Variants in SLC4A8 observed in about 807,000 individuals in gnomAD.
SLC4A8 encodes the protein electroneutral sodium bicarbonate exchanger 1.
Under a neutral mutation model 125.0 loss-of-function variants are expected in SLC4A8, and 40 were observed. The ratio of observed to expected loss-of-function variants is 0.32; its 90% CI spans 0.25 to 0.42. SLC4A8 has a LOEUF of 0.42. Among genes scored for constraint, SLC4A8 ranks in the 10% least tolerant of loss-of-function variants. SLC4A8 has a pLI of 1.00. For missense variants in SLC4A8, 863 were observed against 1,355.1 expected (o/e 0.64, Z 5.70); for synonymous variants, 456 against 476.0 (o/e 0.96, Z 0.55).
Position 51,458,617 on chromosome 12 carries a change from G to A in SLC4A8, c.822G>A (p.Val274=), listed in dbSNP as rs1279329237. ...CAAATCTTGAAGTAAAAAATGGAGTGAATTGTGAACATAGTCCTGTGGATT... is the reference window on the plus strand; with the variant it reads ...CAAATCTTGAAGTAAAAAATGGAGTAAATTGTGAACATAGTCCTGTGGATT... ...PTTNLEVKNG[V]NCEHSPVDLS... Residue 274 remains valine (V), a synonymous_variant, in exon 7 of 25, where the codon GTG becomes GTA. Coordinates refer to ENST00000453097, the MANE Select transcript of SLC4A8 (RefSeq NM_001039960.3). The A allele has an allele frequency of 1.2e-6, 2 of 1,613,728 alleles. No individual in the cohort carries two copies. The highest frequency in any genetic ancestry group is 8.5e-7 in the Non-Finnish European group (1 of 1,179,764).
intron 5 of SLC4A8, 52 bp from the exon 6 acceptor site, chr12:51,457,299 T>C (rs1950180093): frequency 2.6e-6 from 4 of 1,539,088 alleles, no homozygotes; most frequent in South Asian, 1.2e-5. Context: ...GTTGGCCTTC[T>C]TGGGTTCATT....
intron 23 of SLC4A8, among the ~76,000 whole-genome samples, chr12:51,504,604 A>G (rs1938083261): frequency 1.3e-5 from 2 of 152,240 alleles, no homozygotes; most frequent in Non-Finnish European, 2.9e-5. Flanking sequence ...TCCAAAGATG[A>G]AAAGGATGTG....
chr12:51,438,179 ACT>A (rs1014342322), intron 1 of SLC4A8, among the ~76,000 whole-genome samples: 6 of 151,838 alleles, frequency 4.0e-5, no homozygotes, highest in South Asian at 4.1e-4. Flanking sequence ...GCTGTTTGAA[ACT>A]CTATATTATA....
At chr12:51,498,378 G>T (rs1937665140) in intron 22 of SLC4A8, among the ~76,000 whole-genome samples, 1 of 151,954 alleles carries the variant, frequency 6.6e-6, no homozygotes, top group Admixed American at 6.6e-5. Flanking sequence ...GTTGCCTTAT[G>T]ACAAAAATTT....
intron 2 of SLC4A8, among the ~76,000 whole-genome samples, chr12:51,444,716 C>G (rs557397765): frequency 2.6e-5 from 4 of 152,288 alleles, no homozygotes; most frequent in African/African-American, 9.6e-5. Context: ...CTGAAACTTT[C>G]ATAGGACTCG....
chr12:51,452,467 A>G (rs1362574655), intron 4 of SLC4A8, among the ~76,000 whole-genome samples: 8 of 152,146 alleles, frequency 5.3e-5, no homozygotes. Flanking sequence ...GACCTGGAGC[A>G]TGGGATTGGT....
At chr12:51,481,623 T>G (rs990566047) in intron 16 of SLC4A8, among the ~76,000 whole-genome samples, 17 of 152,026 alleles carry the variant, frequency 1.1e-4, no homozygotes, top group Non-Finnish European at 2.1e-4. Context: ...TATCCTTTAC[T>G]TTAGGTAAAA....
intron 11 of SLC4A8, chr12:51,467,284 T>C (rs1329992927): frequency 6.6e-6 from 1 of 152,240 alleles, no homozygotes; most frequent in East Asian, 1.9e-4. Context: ...CTTCTTTACC[T>C]GAGCTAGGTT....
chr12:51,423,611 G>C (rs1948844426), upstream of SLC4A8, among the ~76,000 whole-genome samples: 1 of 152,220 alleles, frequency 6.6e-6, no homozygotes. Context: ...GGGGTGGAAA[G>C]TTTTAACATG....
chr12:51,449,217 C>T lies in SLC4A8; in HGVS notation c.131-1659C>T, dbSNP rs779986477. Among the ~76,000 whole-genome samples the T allele has an allele frequency of 3.9e-5, 6 of 152,182 alleles. No homozygotes were observed. The South Asian group carries it at 6.2e-4, about 16-fold the overall frequency. On this transcript the variant is annotated intron_variant, in intron 2 of 24. Transcript: ENST00000453097. ...CTTTGGGAGGCCAAGGCAGGAGAAT[C>T]GCTTGAGCTCAGGAGTTTGAAACAA... is the stretch of plus-strand genomic sequence containing the variant.
At chr12:51,482,309 T>A (rs1174070391) in intron 16 of SLC4A8, among the ~76,000 whole-genome samples, 2 of 152,136 alleles carry the variant, frequency 1.3e-5, no homozygotes, top group Non-Finnish European at 2.9e-5. Context: ...ATTTGATAAA[T>A]ATAATTATTT....
At chr12:51,445,853 AC>A (rs35716183) in intron 2 of SLC4A8, among the ~76,000 whole-genome samples, 82,244 of 151,226 alleles carry the variant, frequency 0.54, 22,443 homozygotes, top group African/African-American at 0.58. Context: ...TTCATTTCTG[AC>A]CCCCCCCAAG....
chr12:51,415,515 A>G lies in SLC4A8; in HGVS notation c.-112+24027A>G, dbSNP rs113585816. Among the ~76,000 whole-genome samples the G allele has an allele frequency of 1.2e-3, 182 of 152,136 alleles. 1 individual carries two copies. Among genetic ancestry groups the G allele is most frequent in the African/African-American group, 4.2e-3 (173 of 41,492 alleles). ...TTATCCATTTCCTCTAGGTTTTCCAATTGTGAGCTTTACTTATGTTTTGTC... is the reference window on the plus strand; with the variant it reads ...TTATCCATTTCCTCTAGGTTTTCCAGTTGTGAGCTTTACTTATGTTTTGTC... On this transcript the variant is annotated intron_variant, in intron 1 of 24. Coordinates refer to the SLC4A8 transcript ENST00000358657.
At position 51,489,754 on chromosome 12, in the gene SLC4A8, T is replaced by A. The variant is rs1951260103; in HGVS notation, c.2503T>A (p.Cys835Ser). 6.2e-7 allele frequency: 1 copy of A among 1,614,076 alleles called. No homozygotes were observed. The highest frequency in any genetic ancestry group is 8.5e-7 in the Non-Finnish European group (1 of 1,179,998). ...GATGGTGGCCATCATGCTGGGTGTCTGCTCCATCATGGGCCTGCCCTGGTT... is the reference window on the plus strand; with the variant it reads ...GATGGTGGCCATCATGCTGGGTGTCAGCTCCATCATGGGCCTGCCCTGGTT... The part of the protein sequence containing the change: ...LLMVAIMLGV[C>S]SIMGLPWFVA... The change falls in exon 19 of 25, where the codon TGC (cysteine) becomes AGC (serine). Residue 835 changes from cysteine (C) to serine (S), a missense_variant. Coordinates refer to ENST00000453097, the MANE Select transcript of SLC4A8 (RefSeq NM_001039960.3).
At chr12:51,465,664 A>C (rs921757053) in intron 11 of SLC4A8, among the ~76,000 whole-genome samples, 7 of 152,166 alleles carry the variant, frequency 4.6e-5, no homozygotes, top group African/African-American at 1.7e-4. Context: ...GCTCTGCTTG[A>C]TATGGGAGAT....
At position 51,458,621 on chromosome 12, in the gene SLC4A8, TGTGAACATAGTCCTGTG is replaced by T; in HGVS notation, c.828_844del (p.Cys276Ter). The T allele has an allele frequency of 6.2e-7, 1 of 1,613,722 alleles. No individual in the cohort carries two copies. The highest frequency in any genetic ancestry group is 8.5e-7 in the Non-Finnish European group (1 of 1,179,666). ...TCTTGAAGTAAAAAATGGAGTGAATTGTGAACATAGTCCTGTGGATTTAAGCAAGGTGAGCAGAGTGG... is the reference window on the plus strand; with the variant it reads ...TCTTGAAGTAAAAAATGGAGTGAATTGATTTAAGCAAGGTGAGCAGAGTGG... On this transcript the variant is annotated frameshift_variant, in exon 7 of 25. Coordinates refer to ENST00000453097, the MANE Select transcript of SLC4A8 (RefSeq NM_001039960.3). LOFTEE classifies it high-confidence loss of function.
At chr12:51,444,182 A>G (rs1345588468) in intron 2 of SLC4A8, among the ~76,000 whole-genome samples, 1 of 152,166 alleles carries the variant, frequency 6.6e-6, no homozygotes, top group Non-Finnish European at 1.5e-5. Flanking sequence ...TGACCACAGA[A>G]TTAGTTTAAT....
At chr12:51,440,686 C>T (rs1223554370) in intron 1 of SLC4A8, 22 bp from the exon 2 acceptor site, 1 of 1,594,354 alleles carries the variant, frequency 6.3e-7, no homozygotes, top group Non-Finnish European at 8.6e-7. Context: ...ATTACTGTGA[C>T]TACTTATTTG....
intron 1 of SLC4A8, among the ~76,000 whole-genome samples, chr12:51,409,888 C>T (rs934415392): frequency 6.6e-6 from 1 of 152,156 alleles, no homozygotes. Flanking sequence ...ACTTTTTGGG[C>T]TGAGTAAAGG....
Sources: gnomAD v4.1 joint callset for allele counts (sites outside exome capture counted in the v4.1 genomes callset) on GRCh38, gnomAD v4.1.1 for gene constraint, MANE v1.5 for transcripts, NCBI Gene and HGNC (gene_info 2026-07-23, HGNC 2026-07-21) for gene names.